Variants in IQANK1 observed in about 807,000 individuals in gnomAD.
The protein encoded by IQANK1 is IQ motif and ankyrin repeat domain-containing protein 1.
A neutral mutation model predicts 22.6 loss-of-function variants in IQANK1; 30 were observed. The ratio of observed to expected loss-of-function variants is 1.33; its 90% CI spans 0.99 to 1.80. IQANK1 has a LOEUF of 1.80. Ranked by LOEUF, IQANK1 falls within the 40% of genes most tolerant of loss-of-function variation. IQANK1 has a pLI of 0.00. For missense variants in IQANK1, 275 were observed against 235.2 expected, an observed-to-expected ratio of 1.17 and a Z score of -1.11; for synonymous variants, 122 against 99.6, an observed-to-expected ratio of 1.23 and a Z score of -1.34.
Position 143,742,360 on chromosome 8 carries a change from C to T in IQANK1, c.175+2412C>T, listed in dbSNP as rs1378550780. ...TCTCCCTGCTTGGGACTACAGCATG[C>T]GGGGGAGGTCAGGCTGGAGTTGGTG... On this transcript the variant is annotated intron_variant, in intron 3 of 13. Coordinates refer to ENST00000527139, the MANE Select transcript of IQANK1 (RefSeq NM_001381874.1). The T allele has an allele frequency of 6.6e-5, 30 of 455,538 alleles. 1 individual carries two copies. The highest frequency in any genetic ancestry group is 4.0e-4 in the Admixed American group (17 of 42,544). The allele number at this position is 455,538 out of a possible 1,614,324, so 28.2% of individuals were successfully genotyped here. A position where few individuals can be genotyped will look rare whatever the true frequency, so the allele number is the denominator to read the frequency against.
At chr8:143,787,339 T>C (rs1014416273) in intron 7 of IQANK1, among the ~76,000 whole-genome samples, 3 of 152,140 alleles carry the variant, frequency 2.0e-5, no homozygotes, top group East Asian at 3.9e-4. Context: ...AGCCTGTGGA[T>C]CCATCAGGTG....
intron 7 of IQANK1, among the ~76,000 whole-genome samples, chr8:143,775,419 T>G (rs2129920089): frequency 6.8e-6 from 1 of 146,772 alleles, no homozygotes; most frequent in South Asian, 2.1e-4. Context: ...GAAAACAGAC[T>G]CAGGGATGAC....
Position 143,772,449 on chromosome 8 carries a change from G to C in IQANK1, c.756G>C (p.Arg252=). Residue 252 remains arginine (R), a synonymous_variant, in exon 7 of 14, where the codon CGG becomes CGC. Transcript: ENST00000527139. ...TCCTGAAGCTCGGAGCAGACCCCCG[G>C]GTGTACGCAGAGGACGGGAGCACCC... ...EVLLKLGADP[R]VYAEDGSTPE... 5.0e-6 allele frequency: 2 copies of C among 399,370 alleles called. No homozygotes were observed. The highest frequency in any genetic ancestry group is 1.3e-4 in the South Asian group (1 of 7,872). The allele number at this position is 399,370 out of a possible 1,614,324, so 24.7% of individuals were successfully genotyped here. A position where few individuals can be genotyped will look rare whatever the true frequency, so the allele number is the denominator to read the frequency against.
Position 143,739,981 on chromosome 8 carries a change from T to C in IQANK1, c.175+33T>C. 4.4e-6 allele frequency: 3 copies of C among 676,200 alleles called. No individual in the cohort carries two copies. In the Admixed American group the frequency reaches 6.3e-5, roughly 14 times the overall value. The allele number at this position is 676,200 out of a possible 1,614,324, so 41.9% of individuals were successfully genotyped here. A position where few individuals can be genotyped will look rare whatever the true frequency, so the allele number is the denominator to read the frequency against. ...CCCGCACGTCCCGCGCCGCTGTGGG[T>C]GACCGGGTGAGCTGTTGGCAGGGGG... On this transcript the variant is annotated intron_variant, in intron 3 of 13. Coordinates refer to ENST00000527139, the MANE Select transcript of IQANK1 (RefSeq NM_001381874.1).
At chr8:143,778,833 C>A (rs929677709) in intron 7 of IQANK1, among the ~76,000 whole-genome samples, 8 of 152,232 alleles carry the variant, frequency 5.3e-5, no homozygotes, top group Non-Finnish European at 1.2e-4. Flanking sequence ...GTGGCGCAAT[C>A]TCACTGCAAC....
At chr8:143,768,514 A>G (rs1395609692) in intron 3 of IQANK1, among the ~76,000 whole-genome samples, 1 of 152,162 alleles carries the variant, frequency 6.6e-6, no homozygotes, top group Non-Finnish European at 1.5e-5. Flanking sequence ...GCCGGCGGAC[A>G]TACGTCGGTG....
intron 7 of IQANK1, among the ~76,000 whole-genome samples, chr8:143,783,710 A>G (rs1374782408): frequency 1.4e-4 from 22 of 152,210 alleles, no homozygotes; most frequent in Admixed American, 1.4e-3. Flanking sequence ...ATTTAGAGCC[A>G]TCATCCACTA....
chr8:143,783,657 GGAC>G (rs1819836517), intron 7 of IQANK1, among the ~76,000 whole-genome samples: 1 of 152,090 alleles, frequency 6.6e-6, no homozygotes, highest in South Asian at 2.1e-4. Flanking sequence ...ATCCTCCCAA[GGAC>G]ATAAAGATAT....
chr8:143,752,106 T>C (rs551230093), intron 3 of IQANK1, among the ~76,000 whole-genome samples: 203 of 152,126 alleles, frequency 1.3e-3, no homozygotes, highest in African/African-American at 4.7e-3. Context: ...GCTGGGATTA[T>C]AGGCGCCTGC....
rs1202501698 is a variant in IQANK1, at chr8:143,774,303, T to C, written c.789+1821T>C. Among the ~76,000 whole-genome samples the C allele has an allele frequency of 6.6e-6, 1 of 152,170 alleles. No individual in the cohort carries two copies. The highest frequency in any genetic ancestry group is 1.5e-5 in the Non-Finnish European group (1 of 68,036). ...AGCAAACGTTTGTGAACCACGCATC[T>C]GGCAAGGCACGTGTACCTAGAACAT... On this transcript the variant is annotated intron_variant, in intron 7 of 13. Coordinates refer to ENST00000527139, the MANE Select transcript of IQANK1 (RefSeq NM_001381874.1). The surrounding 1 kb of genome is among the most constrained non-coding windows in gnomAD (Gnocchi z 4.2).
chr8:143,776,050 G>T (rs968994518), intron 7 of IQANK1, among the ~76,000 whole-genome samples: 1 of 151,964 alleles, frequency 6.6e-6, no homozygotes, highest in African/African-American at 2.4e-5. Context: ...GGCCGGGCGC[G>T]GCGGCTCACG....
chr8:143,753,706 C>T (rs1053463646), intron 3 of IQANK1, among the ~76,000 whole-genome samples: 2 of 152,136 alleles, frequency 1.3e-5, no homozygotes, highest in African/African-American at 4.8e-5. Context: ...CTGCCTGCCT[C>T]GGCCTCCCAA....
At chr8:143,755,684 T>A (rs1554628405) in intron 3 of IQANK1, among the ~76,000 whole-genome samples, 1 of 152,164 alleles carries the variant, frequency 6.6e-6, no homozygotes, top group Admixed American at 6.5e-5. Flanking sequence ...TTTTATAAAC[T>A]CATGGTGGCA....
intron 7 of IQANK1, among the ~76,000 whole-genome samples, chr8:143,776,013 G>A (rs1324636992): frequency 2.8e-5 from 4 of 144,872 alleles, no homozygotes; most frequent in African/African-American, 8.6e-5. Context: ...AGGGCCGGGC[G>A]CGGTGGCTCA....
In IQANK1 at chr8:143,739,895, C is replaced by T. The variant is rs137999753; in HGVS notation, c.122C>T (p.Ala41Val). Residue 41 changes from alanine to valine, a missense_variant, in exon 3 of 14, where the codon GCG (alanine) becomes GTG (valine). Coordinates refer to ENST00000527139, the MANE Select transcript of IQANK1 (RefSeq NM_001381874.1). Reference protein sequence around the residue: ...PGENRPPQRKAGWQAREPASA... With the variant: ...PGENRPPQRKVGWQAREPASA... ...GAGAACCGCCCGCCGCAGAGGAAAG[C>T]GGGCTGGCAGGCGAGGGAGCCCGCG... The T allele has an allele frequency of 2.1e-3, 1,496 of 698,054 alleles. 13 individuals carry two copies. Among genetic ancestry groups the T allele is most frequent in the African/African-American group, 0.02 (1,134 of 57,144 alleles). The allele number at this position is 698,054 out of a possible 1,614,324, so 43.2% of individuals were successfully genotyped here. A position where few individuals can be genotyped will look rare whatever the true frequency, so the allele number is the denominator to read the frequency against.
chr8:143,739,847 G>C lies in IQANK1; in HGVS notation c.86-12G>C. On this transcript the variant is annotated splice_polypyrimidine_tract_variant and intron_variant, in intron 2 of 13. Transcript: ENST00000527139. ...TCTCATCCCAAGCTCACTGACGGTC[G>C]TTTTCCCTTAGGGAAGCCCGGGGAG... The C allele has an allele frequency of 1.4e-6, 1 of 690,560 alleles. No individual in the cohort carries two copies. The highest frequency in any genetic ancestry group is 1.5e-5 in the South Asian group (1 of 65,640). 42.8% of individuals were successfully genotyped at this position (690,560 alleles called of 1,614,324 possible).
At chr8:143,765,548 C>T (rs1819469071) in intron 3 of IQANK1, among the ~76,000 whole-genome samples, 1 of 152,156 alleles carries the variant, frequency 6.6e-6, no homozygotes, top group African/African-American at 2.4e-5. Flanking sequence ...TGGGAAATGC[C>T]TGTTCATCTC....
intron 3 of IQANK1, among the ~76,000 whole-genome samples, chr8:143,749,031 TATAA>T (rs1259401713): frequency 8.3e-6 from 1 of 121,196 alleles, no homozygotes; most frequent in African/African-American, 3.4e-5. Flanking sequence ...AATATAAAAA[TATAA>T]ATATATATCA....
At position 143,771,699 on chromosome 8, in the gene IQANK1, G is replaced by A. The variant is rs1430120450; in HGVS notation, c.306+81G>A. 5 of 397,788 alleles carry A rather than the reference G, an allele frequency of 1.3e-5. No individual in the cohort carries two copies. The highest frequency in any genetic ancestry group is 2.1e-5 in the African/African-American group (1 of 48,472). 24.6% of individuals were successfully genotyped at this position (397,788 alleles called of 1,614,324 possible). A position where few individuals can be genotyped will look rare whatever the true frequency, so the allele number is the denominator to read the frequency against. ...TGGCGAAGCAGGGTGCGTGGTGGGG[G>A]TGAGGCTCAGATCGGGCTCCGACCT... On this transcript the variant is annotated intron_variant, in intron 4 of 13. Transcript: ENST00000527139. The surrounding 1 kb of genome is among the most constrained non-coding windows in gnomAD (Gnocchi z 6.0).
Sources: allele counts gnomAD v4.1 joint callset (sites outside exome capture counted in the v4.1 genomes callset), GRCh38; gene constraint gnomAD v4.1.1; non-coding constraint Gnocchi (gnomAD v3.1); transcripts MANE v1.5; gene names NCBI Gene and HGNC (gene_info 2026-07-23, HGNC 2026-07-21).